FHIT: variants seen among roughly 807,000 people sequenced by gnomAD.
FHIT encodes the protein bis(5'-adenosyl)-triphosphatase.
Under a neutral mutation model 17.9 loss-of-function variants are expected in FHIT, and 19 were observed. That is an observed-to-expected ratio of 1.06 (90% CI 0.74 to 1.56). The LOEUF (loss-of-function observed/expected upper bound fraction) is 1.56, where lower values mean the gene tolerates loss of function less well. Ranked by LOEUF, FHIT falls within the 40% of genes most tolerant of loss-of-function variation. The pLI is 0.00. For missense variants in FHIT, 248 were observed against 189.2 expected (o/e 1.31, Z -1.82); for synonymous variants, 81 against 69.7 (o/e 1.16, Z -0.81).
intron 5 of FHIT, among the ~76,000 whole-genome samples, chr3:60,350,440 A>G (rs1428296392): frequency 6.6e-6 from 1 of 152,172 alleles, no homozygotes; most frequent in Non-Finnish European, 1.5e-5. Context: ...TGGAACCACA[A>G]ATAGCAATTT....
chr3:60,737,771 C>G (rs138297900), intron 4 of FHIT, among the ~76,000 whole-genome samples: 2 of 152,020 alleles, frequency 1.3e-5, no homozygotes, highest in Non-Finnish European at 2.9e-5. Flanking sequence ...AGGATAAGTA[C>G]GAGGTATTGT....
Position 60,276,322 on chromosome 3 carries a change from T to G in FHIT, c.103+260538A>C, listed in dbSNP as rs534517158. Among the ~76,000 whole-genome samples the G allele has an allele frequency of 9.8e-5, 15 of 152,300 alleles. No individual in the cohort carries two copies. The East Asian group carries it at 2.9e-3, about 29-fold the overall frequency. ...TTTCTTATACTACAATGTTTCCTTC[T>G]GGAGACAGAGGAAGTCCAGCAGATG... On this transcript the variant is annotated intron_variant, in intron 5 of 9. Transcript: ENST00000492590.
chr3:60,011,255 C>A, intron 7 of FHIT, 116 bp downstream of exon 7: 1 of 946,506 alleles, frequency 1.1e-6, no homozygotes, highest in South Asian at 1.4e-5. Flanking sequence ...GAGGGTCTCT[C>A]TGACCTCGAA....
chr3:60,913,836 T>C (rs1553766489), intron 3 of FHIT, among the ~76,000 whole-genome samples: 1 of 152,172 alleles, frequency 6.6e-6, no homozygotes, highest in East Asian at 1.9e-4. Context: ...TCAGGACCTC[T>C]TTCCAAATGG....
chr3:60,497,850 A>G (rs1363946061), intron 5 of FHIT, among the ~76,000 whole-genome samples: 2 of 152,236 alleles, frequency 1.3e-5, no homozygotes, highest in Admixed American at 1.3e-4. Context: ...ATTTCTCCCA[A>G]CCTCATGGGT....
intron 2 of FHIT, among the ~76,000 whole-genome samples, chr3:61,112,262 AT>A (rs11297153): frequency 0.13 from 18,559 of 145,462 alleles, 1,599 homozygotes; most frequent in African/African-American, 0.25. Flanking sequence ...CACTGCCTTA[AT>A]TTTTTTTTTT....
intron 2 of FHIT, among the ~76,000 whole-genome samples, chr3:61,151,575 CTT>C (rs58140463): frequency 5.4e-5 from 7 of 129,254 alleles, no homozygotes; most frequent in African/African-American, 8.3e-5. Context: ...CTTTTCTTTT[CTT>C]TTTTTTTTTT....
intron 8 of FHIT, among the ~76,000 whole-genome samples, chr3:59,875,479 C>G (rs1703111038): frequency 6.6e-6 from 1 of 152,192 alleles, no homozygotes; most frequent in Non-Finnish European, 1.5e-5. Context: ...GGTCTATAAT[C>G]TTTGTTCAGG....
At chr3:59,901,049 C>A (rs1259245330) in intron 8 of FHIT, among the ~76,000 whole-genome samples, 1 of 152,152 alleles carries the variant, frequency 6.6e-6, no homozygotes, top group Non-Finnish European at 1.5e-5. Context: ...GTTAACGTAA[C>A]CTCCCATTGT....
intron 5 of FHIT, among the ~76,000 whole-genome samples, chr3:60,325,516 T>C (rs927278205): frequency 6.6e-6 from 1 of 152,246 alleles, no homozygotes; most frequent in Non-Finnish European, 1.5e-5. Context: ...TACAGAGCAA[T>C]AATCTAGCAT....
chr3:60,197,208 T>A lies in FHIT; in HGVS notation c.104-183056A>T, dbSNP rs192588591. Among the ~76,000 whole-genome samples the A allele has an allele frequency of 1.6e-3, 243 of 152,276 alleles. 1 individual carries two copies. The highest frequency in any genetic ancestry group is 5.5e-3 in the African/African-American group (228 of 41,546). On this transcript the variant is annotated intron_variant, in intron 5 of 9. Transcript: ENST00000492590. Reference sequence around the variant, plus strand: ...CTTGGAACTATTCTGCCCATAGTAGTCCCTAGCCACATGTGGCTCTTGTCA... The same window carrying A: ...CTTGGAACTATTCTGCCCATAGTAGACCCTAGCCACATGTGGCTCTTGTCA...
chr3:60,501,291 T>G (rs980636259), intron 5 of FHIT, among the ~76,000 whole-genome samples: 5 of 150,076 alleles, frequency 3.3e-5, no homozygotes, highest in Admixed American at 6.7e-5. Context: ...GTAGCCACTA[T>G]TTATCTTATT....
chr3:59,836,719 G>A (rs1318941988), intron 8 of FHIT, among the ~76,000 whole-genome samples: 2 of 152,120 alleles, frequency 1.3e-5, no homozygotes, highest in Admixed American at 6.5e-5. Flanking sequence ...CTGTTAACAG[G>A]TGCAGCCACT....
intron 8 of FHIT, among the ~76,000 whole-genome samples, chr3:59,914,365 G>A (rs139218392): frequency 1.3e-3 from 199 of 152,164 alleles, no homozygotes; most frequent in Non-Finnish European, 2.4e-3. Flanking sequence ...CACTCAAGCC[G>A]GGATTCTAAA....
At chr3:60,557,094 C>T (rs1050618679) in intron 4 of FHIT, among the ~76,000 whole-genome samples, 1 of 152,212 alleles carries the variant, frequency 6.6e-6, no homozygotes, top group African/African-American at 2.4e-5. Context: ...ATATACCAGA[C>T]ATTATGCTAT....
chr3:60,733,421 T>C (rs2042072747), intron 4 of FHIT, among the ~76,000 whole-genome samples: 2 of 152,348 alleles, frequency 1.3e-5, no homozygotes, highest in South Asian at 4.1e-4. Context: ...TCTGGTTTTT[T>C]ATTTGTGTGG....
intron 8 of FHIT, among the ~76,000 whole-genome samples, chr3:59,858,236 C>CTTTTTTTTTTTTTTTT: frequency 1.2e-5 from 1 of 84,454 alleles, no homozygotes; most frequent in Non-Finnish European, 2.1e-5. Context: ...TTCCCACCTT[C>CTTTTTTTTTTTTTTTT]TTTTTTTTTT....
chr3:60,780,231 T>C (rs1206070826), intron 4 of FHIT, among the ~76,000 whole-genome samples: 5 of 152,144 alleles, frequency 3.3e-5, no homozygotes, highest in Admixed American at 3.3e-4. Flanking sequence ...CACCTTCTTT[T>C]TGCCTTTCTT....
rs61560651 is a variant in FHIT, at chr3:60,816,433, A to C, written c.-18+5486T>G. Among the ~76,000 whole-genome samples, 1,025 of 152,006 alleles carry C rather than the reference A, an allele frequency of 6.7e-3. 24 individuals are homozygous for C. In the East Asian group the frequency reaches 0.091, roughly 14 times the overall value. ...TGTTCTTCAGTGCCTACTTTCTTGA[A>C]GTTTTTTATCATGAAGGGATGTTGG... On this transcript the variant is annotated intron_variant, in intron 4 of 9. Transcript: ENST00000492590.
Sources: gnomAD v4.1 joint callset for allele counts (sites outside exome capture counted in the v4.1 genomes callset) on GRCh38, gnomAD v4.1.1 for gene constraint, MANE v1.5 for transcripts, NCBI Gene and HGNC (gene_info 2026-07-23, HGNC 2026-07-21) for gene names.